Variants in CDC42BPA observed in about 807,000 individuals in gnomAD.
CDC42BPA encodes serine/threonine-protein kinase MRCK alpha.
In CDC42BPA, 80 loss-of-function variants were observed where a neutral mutation model predicts 223.5. That is an observed-to-expected ratio of 0.36 (90% confidence interval 0.30 to 0.43). CDC42BPA has a LOEUF of 0.43. CDC42BPA is among the 20% of genes least tolerant of loss of function. The probability of loss-of-function intolerance (pLI) is 1.00; values close to 1 mark genes in which losing one functional copy is unlikely to be tolerated. For synonymous variants in CDC42BPA, 694 were observed against 718.6 expected (o/e 0.97, Z 0.55); for missense variants, 1,743 against 2,099.9 (o/e 0.83, Z 3.32).
intron 5 of CDC42BPA, among the ~76,000 whole-genome samples, chr1:227,166,194 C>G (rs1665003673): frequency 6.6e-6 from 1 of 152,176 alleles, no homozygotes; most frequent in Non-Finnish European, 1.5e-5. Context: ...TCATTTTATT[C>G]CATGGCTGAA....
Position 226,992,262 on chromosome 1 carries a change from GAA to G in CDC42BPA, c.*2004_*2005del, listed in dbSNP as rs1660852399. On this transcript the variant is annotated 3_prime_UTR_variant, in exon 37 of 37. Transcript: ENST00000366766. ...TTTTTATACTTCATTCTAAAAAGCA[GAA>G]AGATTTGGGAGATTAGAACTGTGCT... 2 of 152,210 alleles carry G rather than the reference GAA, an allele frequency of 1.3e-5. No homozygotes were observed. Among genetic ancestry groups the G allele is most frequent in the African/African-American group, 4.8e-5 (2 of 41,446 alleles). 9.4% of individuals were successfully genotyped at this position (152,210 alleles called of 1,614,324 possible).
At chr1:227,074,754 C>T (rs186436050) in intron 17 of CDC42BPA, among the ~76,000 whole-genome samples, 2 of 152,210 alleles carry the variant, frequency 1.3e-5, no homozygotes, top group East Asian at 1.9e-4. Flanking sequence ...AAACAACATA[C>T]CATTCTTAAA....
At chr1:227,179,566 G>A (rs1667556124) in intron 5 of CDC42BPA, among the ~76,000 whole-genome samples, 1 of 144,306 alleles carries the variant, frequency 6.9e-6, no homozygotes, top group Admixed American at 7.1e-5. Flanking sequence ...AACCCGGGAG[G>A]TGGAGCTTGC....
chr1:227,160,000 T>C (rs1249043851), intron 6 of CDC42BPA, among the ~76,000 whole-genome samples: 2 of 152,080 alleles, frequency 1.3e-5, no homozygotes, highest in African/African-American at 4.8e-5. Context: ...CGCACCACCA[T>C]GCCCAGCTAT....
intron 2 of CDC42BPA, among the ~76,000 whole-genome samples, chr1:227,215,328 C>G (rs552448694): frequency 6.6e-6 from 1 of 152,220 alleles, no homozygotes; most frequent in South Asian, 2.1e-4. Context: ...GGGTTTGAAT[C>G]CTAGTTTTGT....
At chr1:227,112,466 T>C (rs778835639) in intron 13 of CDC42BPA, 44 bp from the exon 14 acceptor site, 1 of 1,414,806 alleles carries the variant, frequency 7.1e-7, no homozygotes, top group Admixed American at 2.2e-5. Flanking sequence ...GTTATAATTT[T>C]TTTCCAAACA....
intron 34 of CDC42BPA, among the ~76,000 whole-genome samples, chr1:227,006,677 C>T (rs984065512): frequency 1.4e-4 from 22 of 152,130 alleles, no homozygotes; most frequent in Admixed American, 1.2e-3. Context: ...TGGCTCAGGC[C>T]TGTAATCCCA....
chr1:227,120,005 C>A (rs1688379546), intron 11 of CDC42BPA, 68 bp from the exon 12 acceptor site: 2 of 1,315,400 alleles, frequency 1.5e-6, no homozygotes, highest in South Asian at 1.5e-5. Context: ...TAAGGTAAAA[C>A]AACTAAAATT....
intron 35 of CDC42BPA, among the ~76,000 whole-genome samples, chr1:227,001,950 A>G (rs181734311): frequency 1.6e-4 from 25 of 152,270 alleles, no homozygotes; most frequent in Non-Finnish European, 2.9e-4. Context: ...ACGCAAAACC[A>G]AAACAAAAAA....
At chr1:227,000,492 G>T (rs1662596338) in intron 35 of CDC42BPA, among the ~76,000 whole-genome samples, 1 of 152,120 alleles carries the variant, frequency 6.6e-6, no homozygotes, top group African/African-American at 2.4e-5. Context: ...GCTTACTAAT[G>T]GTGTGACCTT....
intron 14 of CDC42BPA, among the ~76,000 whole-genome samples, chr1:227,101,952 T>A (rs536316646): frequency 6.6e-6 from 1 of 152,264 alleles, no homozygotes; most frequent in South Asian, 2.1e-4. Context: ...AACAGAAACA[T>A]ACAGACTACA....
At chr1:227,078,945 A>C (rs1349510024) in intron 17 of CDC42BPA, among the ~76,000 whole-genome samples, 1 of 152,108 alleles carries the variant, frequency 6.6e-6, no homozygotes, top group African/African-American at 2.4e-5. Flanking sequence ...TATAACGCAA[A>C]CTTCCCAAAA....
At chr1:227,029,397 C>G in intron 29 of CDC42BPA, 147 bp from the exon 30 acceptor site, 1 of 615,410 alleles carries the variant, frequency 1.6e-6, no homozygotes, top group Non-Finnish European at 2.8e-6. Context: ...ATTATCCAAC[C>G]CATCATAAGA....
At position 227,028,820 on chromosome 1, in the gene CDC42BPA, T is replaced by C; in HGVS notation, c.4269A>G (p.Thr1423=). 1 of 1,614,120 alleles carries C rather than the reference T, an allele frequency of 6.2e-7. No homozygotes were observed. The highest frequency in any genetic ancestry group is 8.5e-7 in the Non-Finnish European group (1 of 1,179,980). ...PYSMLHSNDH[T]LSFIAHQPMD... is the part of the protein sequence containing the mutation. Reference sequence around the variant, plus strand: ...TTGGTTGATGTGCAATAAATGATAGTGTATGGTCATTTGAATGGAGCATAC... The same window carrying C: ...TTGGTTGATGTGCAATAAATGATAGCGTATGGTCATTTGAATGGAGCATAC... The change falls in exon 30 of 37, where the codon ACA becomes ACG. Residue 1423 remains threonine (T), a synonymous_variant. Transcript: ENST00000366766.
At chr1:227,169,792 T>G (rs1488566436) in intron 5 of CDC42BPA, among the ~76,000 whole-genome samples, 1 of 152,198 alleles carries the variant, frequency 6.6e-6, no homozygotes, top group Non-Finnish European at 1.5e-5. Flanking sequence ...TTTAGTGCCT[T>G]TAGGATAATG....
chr1:227,182,146 C>CT (rs527909049), intron 5 of CDC42BPA, among the ~76,000 whole-genome samples: 49 of 152,332 alleles, frequency 3.2e-4, no homozygotes, highest in Admixed American at 1.9e-3. Context: ...TATCCAGTCT[C>CT]TAACACCTGG....
chr1:227,168,552 A>G (rs1252391585), intron 5 of CDC42BPA, among the ~76,000 whole-genome samples: 2 of 127,996 alleles, frequency 1.6e-5, no homozygotes, highest in Admixed American at 9.4e-5. Context: ...CTGGAGTGCA[A>G]TGGTGCGATC....
intron 23 of CDC42BPA, among the ~76,000 whole-genome samples, chr1:227,046,284 A>G (rs1373111576): frequency 1.3e-5 from 2 of 152,038 alleles, no homozygotes; most frequent in Non-Finnish European, 2.9e-5. Flanking sequence ...GGAGCCCCAA[A>G]TGACATTATC....
intron 17 of CDC42BPA, among the ~76,000 whole-genome samples, chr1:227,079,446 T>C (rs1680185080): frequency 6.6e-6 from 1 of 152,130 alleles, no homozygotes; most frequent in African/African-American, 2.4e-5. Context: ...TATCACAGGT[T>C]TTGACTCTGT....
Sources: allele counts gnomAD v4.1 joint callset (sites outside exome capture counted in the v4.1 genomes callset), GRCh38; gene constraint gnomAD v4.1.1; transcripts MANE v1.5; gene names NCBI Gene and HGNC (gene_info 2026-07-23, HGNC 2026-07-21).